The following HDAC9 variants were observed in gnomAD, a reference collection of about 807,000 sequenced individuals.
HDAC9 encodes histone deacetylase 9.
Under a neutral mutation model 139.4 loss-of-function variants are expected in HDAC9, and 41 were observed. The observed-to-expected ratio is 0.29, with a 90% CI of 0.23 to 0.38. The LOEUF (loss-of-function observed/expected upper bound fraction) is 0.38. Ranked by LOEUF, HDAC9 falls within the 10% of genes least tolerant of loss-of-function variation. HDAC9 has a pLI of 1.00. For synonymous variants in HDAC9, 517 were observed against 476.2 expected, an observed-to-expected ratio of 1.09 and a Z score of -1.12; for missense variants, 1,147 against 1,297.0, an observed-to-expected ratio of 0.88 and a Z score of 1.78.
chr7:18,696,334 A>G (rs1783040074), intron 12 of HDAC9, among the ~76,000 whole-genome samples: 1 of 148,572 alleles, frequency 6.7e-6, no homozygotes, highest in African/African-American at 2.4e-5. Context: ...ATAATTATAT[A>G]CTTGTATATA....
intron 17 of HDAC9, among the ~76,000 whole-genome samples, chr7:18,824,854 C>T (rs1038707155): frequency 1.3e-5 from 2 of 152,038 alleles, no homozygotes; most frequent in African/African-American, 2.4e-5. Flanking sequence ...GGCAGGAATT[C>T]AAAAGGCAGC....
chr7:18,265,999 A>G (rs1795971310), intron 2 of HDAC9, among the ~76,000 whole-genome samples: 1 of 152,148 alleles, frequency 6.6e-6, no homozygotes, highest in African/African-American at 2.4e-5. Flanking sequence ...CCATATCAAT[A>G]ATTTTTAATA....
At chr7:18,944,417 A>G (rs1300249449) in intron 23 of HDAC9, among the ~76,000 whole-genome samples, 1 of 152,190 alleles carries the variant, frequency 6.6e-6, no homozygotes, top group African/African-American at 2.4e-5. Flanking sequence ...TGCAAAATAT[A>G]TAATCTCACT....
rs60514746 is a variant in HDAC9 at position 18,390,047 on chromosome 7, AACACACACACACAC to A, written c.-42+99567_-42+99580del. 9.7e-4 allele frequency among the ~76,000 whole-genome samples: 127 copies of A among 130,494 alleles called. 1 individual carries two copies. The highest frequency in any genetic ancestry group is 5.0e-3 in the East Asian group (21 of 4,214). The allele number at this position is 130,494 out of a possible 152,430, so 85.6% of individuals were successfully genotyped here. ...GTTGTGTTTGACCCTAGAGAAAGACAACACACACACACACACACACACACACACACACACACACA... is the reference window on the plus strand; with the variant it reads ...GTTGTGTTTGACCCTAGAGAAAGACAACACACACACACACACACACACACA... On this transcript the variant is annotated intron_variant, in intron 1 of 3. Transcript: ENST00000413509.
intron 11 of HDAC9, among the ~76,000 whole-genome samples, chr7:18,660,738 G>A (rs2129059790): frequency 6.6e-6 from 1 of 152,216 alleles, no homozygotes; most frequent in East Asian, 1.9e-4. Context: ...AGTAGAGAGA[G>A]CACGGCGTAG....
chr7:18,805,861 G>C (rs1056389749), intron 17 of HDAC9, among the ~76,000 whole-genome samples: 5 of 152,144 alleles, frequency 3.3e-5, no homozygotes, highest in African/African-American at 1.2e-4. Context: ...AGAGCTGTAG[G>C]ATCTGTAAAG....
At chr7:18,715,193 A>T (rs1459696565) in intron 12 of HDAC9, among the ~76,000 whole-genome samples, 25 of 151,884 alleles carry the variant, frequency 1.6e-4, no homozygotes, top group Admixed American at 1.6e-3. Context: ...ACATGCTATG[A>T]GTTGAGCTGT....
At chr7:18,115,134 G>C (rs1430064776) in intron 1 of HDAC9, among the ~76,000 whole-genome samples, 2 of 151,806 alleles carry the variant, frequency 1.3e-5, no homozygotes, top group Non-Finnish European at 2.9e-5. Flanking sequence ...TACTAAAAAT[G>C]CAAAAAAAAT....
At chr7:18,246,688 A>G (rs1286110823) in intron 2 of HDAC9, among the ~76,000 whole-genome samples, 1 of 152,098 alleles carries the variant, frequency 6.6e-6, no homozygotes, top group Non-Finnish European at 1.5e-5. Context: ...GATCCCTGGT[A>G]AGCCACTGTA....
chr7:18,298,553 T>C (rs951807295), intron 1 of HDAC9, among the ~76,000 whole-genome samples: 9 of 152,124 alleles, frequency 5.9e-5, no homozygotes, highest in African/African-American at 1.7e-4. Flanking sequence ...TTTGTTCTTA[T>C]GATAGTTTAC....
chr7:18,381,198 C>CAA (rs60825586), intron 1 of HDAC9, among the ~76,000 whole-genome samples: 26 of 73,316 alleles, frequency 3.5e-4, no homozygotes, highest in Non-Finnish European at 4.2e-4. Context: ...GACTCTGTCT[C>CAA]AAAAAAAAAA....
intron 1 of HDAC9, among the ~76,000 whole-genome samples, chr7:18,479,467 CGTT>C (rs977803023): frequency 6.6e-6 from 1 of 152,082 alleles, no homozygotes; most frequent in African/African-American, 2.4e-5. Context: ...GCCTAATTGT[CGTT>C]GGTCTATTCT....
chr7:18,563,491 T>C (rs1249198467), intron 2 of HDAC9, among the ~76,000 whole-genome samples: 1 of 152,200 alleles, frequency 6.6e-6, no homozygotes, highest in Non-Finnish European at 1.5e-5. Context: ...TCCCCTAATA[T>C]CTTTTACTCA....
chr7:18,850,805 T>A (rs957402361), intron 21 of HDAC9, among the ~76,000 whole-genome samples: 1 of 152,122 alleles, frequency 6.6e-6, no homozygotes, highest in Non-Finnish European at 1.5e-5. Flanking sequence ...GTCAGCAGAA[T>A]CAATGTCTGT....
At chr7:18,682,107 A>G (rs904342128) in intron 12 of HDAC9, among the ~76,000 whole-genome samples, 2 of 152,114 alleles carry the variant, frequency 1.3e-5, no homozygotes, top group Admixed American at 6.6e-5. Context: ...TTCTCAGAAC[A>G]TAATTTACAT....
chr7:18,769,371 G>A (rs892717020), intron 16 of HDAC9, among the ~76,000 whole-genome samples: 3 of 152,150 alleles, frequency 2.0e-5, no homozygotes, highest in African/African-American at 7.2e-5. Context: ...GTGGGTCATA[G>A]AGTAAGTCCT....
intron 1 of HDAC9, among the ~76,000 whole-genome samples, chr7:18,136,553 A>T (rs1336722841): frequency 6.6e-6 from 1 of 152,202 alleles, no homozygotes; most frequent in Non-Finnish European, 1.5e-5. Context: ...CCATTTATTA[A>T]ATAGGGAATC....
chr7:18,159,454 C>T (rs1562689805), intron 1 of HDAC9, among the ~76,000 whole-genome samples: 1 of 152,074 alleles, frequency 6.6e-6, no homozygotes, highest in African/African-American at 2.4e-5. Context: ...ACCACTGACC[C>T]TTCTTTCTTT....
At chr7:18,499,758 C>T (rs1018167839) in intron 2 of HDAC9, among the ~76,000 whole-genome samples, 37 of 151,952 alleles carry the variant, frequency 2.4e-4, no homozygotes, top group African/African-American at 7.8e-4. Flanking sequence ...TTTTGGCCAT[C>T]TATTCTTACT....
Sources: allele counts gnomAD v4.1 joint callset (sites outside exome capture counted in the v4.1 genomes callset), GRCh38; gene constraint gnomAD v4.1.1; transcripts MANE v1.5; gene names NCBI Gene and HGNC (gene_info 2026-07-23, HGNC 2026-07-21).